MYO1E: variants seen among roughly 807,000 people sequenced by gnomAD.
MYO1E encodes myosin IE.
A neutral mutation model predicts 151.1 loss-of-function variants in MYO1E; 68 were observed. The ratio of observed to expected loss-of-function variants is 0.45; its 90% CI spans 0.37 to 0.55. The LOEUF (loss-of-function observed/expected upper bound fraction) is 0.55. MYO1E is among the 20% of genes least tolerant of loss of function. MYO1E has a pLI of 0.00. For missense variants in MYO1E, 1,363 were observed against 1,389.3 expected (o/e 0.98, Z 0.30); for synonymous variants, 601 against 501.7 (o/e 1.20, Z -2.64).
intron 16 of MYO1E, among the ~76,000 whole-genome samples, chr15:59,201,548 T>C (rs1275879824): frequency 1.3e-5 from 2 of 151,722 alleles, no homozygotes; most frequent in East Asian, 3.9e-4. Flanking sequence ...GGGATTACAC[T>C]CACGTGCCAC....
rs575925574 is a variant in MYO1E at position 59,312,899 on chromosome 15, G to A, written c.4-40450C>T. ...AATAATAATACAAAAAATTAGCCGG[G>A]CATGGTGGCATGCCACCTGTAGTCA... On this transcript the variant is annotated intron_variant, in intron 1 of 27. Coordinates refer to ENST00000288235, the MANE Select transcript of MYO1E (RefSeq NM_004998.4). 1.8e-4 allele frequency among the ~76,000 whole-genome samples: 27 copies of A among 152,064 alleles called. No homozygotes were observed. The South Asian group carries it at 5.4e-3, about 30-fold the overall frequency.
chr15:59,208,166 G>A, intron 14 of MYO1E: 3 of 1,295,770 alleles, frequency 2.3e-6, no homozygotes, highest in South Asian at 3.2e-5. Context: ...GAATAAACTT[G>A]AATTCCTAAA....
At chr15:59,176,038 T>G (rs2079622677) in intron 19 of MYO1E, among the ~76,000 whole-genome samples, 1 of 143,128 alleles carries the variant, frequency 7.0e-6, no homozygotes, top group South Asian at 2.2e-4. Flanking sequence ...AACCCTATGG[T>G]GTCTGATGTG....
At chr15:59,231,012 T>C (rs2080024490) in intron 6 of MYO1E, among the ~76,000 whole-genome samples, 1 of 152,204 alleles carries the variant, frequency 6.6e-6, no homozygotes, top group Non-Finnish European at 1.5e-5. Flanking sequence ...AGCTTTCCTA[T>C]TTACCCCCTC....
Position 59,261,481 on chromosome 15 carries a change from A to G in MYO1E, c.176T>C (p.Val59Ala). The G allele has an allele frequency of 6.2e-7, 1 of 1,608,388 alleles. No individual in the cohort carries two copies. Among genetic ancestry groups the G allele is most frequent in the Non-Finnish European group, 8.5e-7 (1 of 1,175,012 alleles). ...FTYIGSVLIS[V>A]NPFKQMPYFG... ...ATATGGCATCTGCTTGAAAGGGTTGACTGAGATTAATACAGATCCTATATA... is the reference window on the plus strand; with the variant it reads ...ATATGGCATCTGCTTGAAAGGGTTGGCTGAGATTAATACAGATCCTATATA... The change falls in exon 3 of 28, where the codon GTC (valine) becomes GCC (alanine). Residue 59 changes from valine (V) to alanine (A), a missense_variant. Coordinates refer to ENST00000288235, the MANE Select transcript of MYO1E (RefSeq NM_004998.4).
intron 1 of MYO1E, among the ~76,000 whole-genome samples, chr15:59,356,544 A>G (rs1178216786): frequency 2.0e-5 from 3 of 152,242 alleles, no homozygotes; most frequent in Non-Finnish European, 4.4e-5. Context: ...TAAAGATTGT[A>G]TACTGATGCA....
chr15:59,134,607 C>CA lies in MYO1E; in HGVS notation c.*2772dup, dbSNP rs1432287228. 2.6e-5 allele frequency: 4 copies of CA among 152,276 alleles called. No homozygotes were observed. Among genetic ancestry groups the CA allele is most frequent in the African/African-American group, 9.6e-5 (4 of 41,462 alleles). 9.4% of individuals were successfully genotyped at this position (152,276 alleles called of 1,614,324 possible). A position where few individuals can be genotyped will look rare whatever the true frequency, so the allele number is the denominator to read the frequency against. On this transcript the variant is annotated 3_prime_UTR_variant, in exon 28 of 28. Coordinates refer to ENST00000288235, the MANE Select transcript of MYO1E (RefSeq NM_004998.4). Reference sequence around the variant, plus strand: ...TTGAACACCTCTACCCTAGGGTACACAGTCAGGCCTTCTCATTTAGTTCCT... The same window carrying CA: ...TTGAACACCTCTACCCTAGGGTACACAAGTCAGGCCTTCTCATTTAGTTCCT...
intron 9 of MYO1E, among the ~76,000 whole-genome samples, chr15:59,221,249 G>A (rs868380053): frequency 1.3e-5 from 2 of 151,712 alleles, no homozygotes; most frequent in Admixed American, 1.3e-4. Flanking sequence ...GACCTCAGGT[G>A]ATCACCTGCC....
At chr15:59,187,986 G>C in intron 18 of MYO1E, 132 bp downstream of exon 18, 1 of 746,402 alleles carries the variant, frequency 1.3e-6, no homozygotes, top group Non-Finnish European at 2.4e-6. Flanking sequence ...ATTAACGGTG[G>C]TGATAGTTGC....
intron 2 of MYO1E, among the ~76,000 whole-genome samples, chr15:59,263,122 G>C (rs2080233788): frequency 1.3e-5 from 2 of 152,114 alleles, no homozygotes; most frequent in Non-Finnish European, 2.9e-5. Flanking sequence ...TTGTTAAACA[G>C]AAAGTTATTT....
chr15:59,147,122 C>CAAAT (rs2079445857), intron 26 of MYO1E, among the ~76,000 whole-genome samples: 1 of 152,190 alleles, frequency 6.6e-6, no homozygotes, highest in Non-Finnish European at 1.5e-5. Context: ...TGTCAGCTGA[C>CAAAT]ATTTGAGTCC....
intron 4 of MYO1E, among the ~76,000 whole-genome samples, chr15:59,239,807 G>C (rs2080089263): frequency 6.6e-6 from 1 of 152,124 alleles, no homozygotes; most frequent in African/African-American, 2.4e-5. Context: ...AATTTTTATT[G>C]ATCAGAGGCT....
At chr15:59,232,103 G>T (rs553777483) in intron 5 of MYO1E, among the ~76,000 whole-genome samples, 1 of 152,162 alleles carries the variant, frequency 6.6e-6, no homozygotes, top group Non-Finnish European at 1.5e-5. Context: ...CACCAAAAGT[G>T]AAGTGGTACC....
chr15:59,253,610 T>C (rs1194660136), intron 4 of MYO1E, among the ~76,000 whole-genome samples: 2 of 151,184 alleles, frequency 1.3e-5, no homozygotes, highest in South Asian at 2.1e-4. Context: ...GCCTCCCAAG[T>C]AGCTGGGACT....
chr15:59,369,088 A>C (rs2080930531), intron 1 of MYO1E, among the ~76,000 whole-genome samples: 1 of 152,260 alleles, frequency 6.6e-6, no homozygotes, highest in Non-Finnish European at 1.5e-5. Context: ...CTGATAAACT[A>C]ATCTGTGGAA....
chr15:59,368,039 A>G (rs892726713), intron 1 of MYO1E, among the ~76,000 whole-genome samples: 2 of 152,038 alleles, frequency 1.3e-5, no homozygotes, highest in African/African-American at 4.8e-5. Flanking sequence ...GAATTGCTTG[A>G]ACCTGGGAGG....
chr15:59,331,973 C>A (rs2080700905), intron 1 of MYO1E, among the ~76,000 whole-genome samples: 1 of 152,166 alleles, frequency 6.6e-6, no homozygotes, highest in Non-Finnish European at 1.5e-5. Flanking sequence ...TAACGTGAGG[C>A]TACTACAAGT....
chr15:59,347,883 T>C (rs1385064673), intron 1 of MYO1E, among the ~76,000 whole-genome samples: 1 of 152,168 alleles, frequency 6.6e-6, no homozygotes, highest in Non-Finnish European at 1.5e-5. Context: ...TGTATGTAAT[T>C]ACATAATTTG....
chr15:59,261,886 C>T (rs1336939618), intron 2 of MYO1E, among the ~76,000 whole-genome samples: 3 of 152,164 alleles, frequency 2.0e-5, no homozygotes, highest in South Asian at 2.1e-4. Context: ...TTTGAACTTT[C>T]GTATCCGTTA....
Sources: allele counts gnomAD v4.1 joint callset (sites outside exome capture counted in the v4.1 genomes callset), GRCh38; gene constraint gnomAD v4.1.1; transcripts MANE v1.5; gene names NCBI Gene and HGNC (gene_info 2026-07-23, HGNC 2026-07-21).